AVIL: variants seen among roughly 807,000 people sequenced by gnomAD.
AVIL encodes the protein advillin.
AVIL carries 78 observed loss-of-function variants against 109.9 expected under a neutral mutation model. That is an observed-to-expected ratio of 0.71 (90% confidence interval 0.59 to 0.86). The LOEUF is 0.86. Ranked by LOEUF, AVIL falls within the 40% of genes least tolerant of loss-of-function variation. AVIL has a pLI of 0.00. For synonymous variants in AVIL, 367 were observed against 379.1 expected (o/e 0.97, Z 0.37); for missense variants, 892 against 1,016.5 (o/e 0.88, Z 1.67).
At chr12:57,815,443 G>A (rs567328112) in intron 2 of AVIL, 67 of 541,626 alleles carry the variant, frequency 1.2e-4, no homozygotes, top group Admixed American at 3.8e-4. Flanking sequence ...GGGAATCCTC[G>A]TATCTGGCAG....
At position 57,810,429 on chromosome 12, in the gene AVIL, A is replaced by T. The variant is rs1208575928; in HGVS notation, c.681T>A (p.Leu227=). The T allele has an allele frequency of 6.2e-7, 1 of 1,614,194 alleles. No individual in the cohort carries two copies. Among genetic ancestry groups the T allele is most frequent in the South Asian group, 1.1e-5 (1 of 91,088 alleles). The change falls in exon 7 of 20, where the codon CTT becomes CTA. Residue 227 remains leucine (L), a synonymous_variant. Transcript: ENST00000549994. ...PELMKVLQDT[L]GRRSIIKPTV... is the part of the protein sequence containing the mutation. ...TAGGCTTGATAATGGAGCGTCGGCC[A>T]AGGGTGTCCTGAAGGACCTTCATCA... is the stretch of plus-strand genomic sequence containing the variant.
At chr12:57,816,092 A>G in intron 1 of AVIL, 33 bp from the exon 2 acceptor site, 1 of 1,546,240 alleles carries the variant, frequency 6.5e-7, no homozygotes. Flanking sequence ...GGGAGATGAT[A>G]TCTCTTGCCA....
In AVIL at chr12:57,797,853, G is replaced by A; in HGVS notation, c.*29C>T. On this transcript the variant is annotated 3_prime_UTR_variant, in exon 20 of 20. Coordinates refer to ENST00000549994, the MANE Select transcript of AVIL (RefSeq NM_006576.4). ...TTGGCACTATCTGCTCTTTTCTGTGGCCTTGCAATAGGTATAGGCCTTCTT... is the reference window on the plus strand; with the variant it reads ...TTGGCACTATCTGCTCTTTTCTGTGACCTTGCAATAGGTATAGGCCTTCTT... 6.7e-7 allele frequency: 1 copy of A among 1,503,028 alleles called. No individual in the cohort carries two copies. The highest frequency in any genetic ancestry group is 9.0e-7 in the Non-Finnish European group (1 of 1,110,278). The allele number at this position is 1,503,028 out of a possible 1,614,324, so 93.1% of individuals were successfully genotyped here.
At chr12:57,800,196 A>C in intron 18 of AVIL, 1 of 315,178 alleles carries the variant, frequency 3.2e-6, no homozygotes, top group East Asian at 5.7e-5. Context: ...TCTGGATCTC[A>C]TTTGAATATT....
At chr12:57,810,105 C>T (rs1956015581) in intron 7 of AVIL, among the ~76,000 whole-genome samples, 1 of 152,160 alleles carries the variant, frequency 6.6e-6, no homozygotes, top group East Asian at 1.9e-4. Context: ...CCTTCCACAT[C>T]CCTGGGCATG....
chr12:57,818,189 T>C (rs1956120808), intron 1 of AVIL, among the ~76,000 whole-genome samples: 1 of 110,716 alleles, frequency 9.0e-6, no homozygotes, highest in African/African-American at 3.6e-5. Context: ...TGGCTTTTTT[T>C]TTTTTTTTTT....
In AVIL at chr12:57,814,196, C is replaced by G. The variant is rs192714655; in HGVS notation, c.97G>C (p.Ala33Pro). ...TCCCCCTCATAGAAGTTGCCGTGGG[C>G]GCTCACAGGCACCAGCGCCAGCTCC... is the stretch of plus-strand genomic sequence containing the variant. ...KMELALVPVSAHGNFYEGDCY... is the reference protein window; with the variant it reads ...KMELALVPVSPHGNFYEGDCY... Residue 33 changes from alanine to proline, a missense_variant, in exon 3 of 20, where the codon GCC becomes CCC. By Grantham distance (27) the Ala-to-Pro change is conservative. Coordinates refer to ENST00000549994, the MANE Select transcript of AVIL (RefSeq NM_006576.4). The G allele has an allele frequency of 4.3e-6, 7 of 1,613,046 alleles. No individual in the cohort carries two copies. Among genetic ancestry groups the G allele is most frequent in the African/African-American group, 4.0e-5 (3 of 74,868 alleles).
intron 3 of AVIL, 141 bp downstream of exon 3, chr12:57,814,011 G>A: frequency 2.4e-6 from 2 of 824,362 alleles, no homozygotes; most frequent in Non-Finnish European, 3.8e-6. Context: ...TCAGACTGGA[G>A]GTCTGCTCTG....
chr12:57,799,707 C>T (rs982532910), intron 19 of AVIL, 88 bp downstream of exon 19: 156 of 1,565,916 alleles, frequency 1.0e-4, no homozygotes, highest in Non-Finnish European at 1.3e-4. Context: ...TACAATGTGC[C>T]GGAGCTGTCC....
At chr12:57,811,228 A>C (rs929011572) in intron 4 of AVIL, 101 bp from the exon 5 acceptor site, 1 of 1,098,764 alleles carries the variant, frequency 9.1e-7, no homozygotes, top group Non-Finnish European at 1.3e-6. Flanking sequence ...ATGTGATGAC[A>C]GTACATCAGC....
At chr12:57,805,536 G>GTTT (rs755933666) in intron 14 of AVIL, among the ~76,000 whole-genome samples, 1 of 142,430 alleles carries the variant, frequency 7.0e-6, no homozygotes, top group Non-Finnish European at 1.5e-5. Context: ...CTTTCAGTGA[G>GTTT]TTTTTTTTTT....
At chr12:57,799,279 C>T (rs1225266816) in intron 19 of AVIL, among the ~76,000 whole-genome samples, 2 of 152,154 alleles carry the variant, frequency 1.3e-5, no homozygotes, top group Non-Finnish European at 2.9e-5. Context: ...CTGGAATAAG[C>T]ATGTTTTAAG....
intron 14 of AVIL, among the ~76,000 whole-genome samples, chr12:57,804,765 C>T (rs188129410): frequency 8.0e-4 from 121 of 151,352 alleles, no homozygotes; most frequent in Non-Finnish European, 1.3e-3. Context: ...GCCAAGATCG[C>T]GCCACTGCAC....
intron 19 of AVIL, 149 bp from the exon 20 acceptor site, chr12:57,798,144 A>G (rs1220502718): frequency 3.8e-6 from 2 of 531,680 alleles, no homozygotes; most frequent in Non-Finnish European, 6.4e-6. Flanking sequence ...TAAAGATTTA[A>G]ATTATTCATT....
chr12:57,808,404 C>A lies in AVIL; in HGVS notation c.1084G>T (p.Gly362Cys). The change falls in exon 10 of 20, where the codon GGT becomes TGT. Residue 362 changes from glycine (G) to cysteine (C), a missense_variant. Gly to Cys is a radical substitution (Grantham distance 159). Transcript: ENST00000549994. The part of the protein sequence containing the change: ...TMGLGKTFSI[G>C]KIAKVFQDKF... ...CTGGGGGCAGTCTCACCAATTTTAC[C>A]AATGCTGAACGTTTTCCCCAGGCCC... is the stretch of plus-strand genomic sequence containing the variant. 6.2e-7 allele frequency: 1 copy of A among 1,614,062 alleles called. No homozygotes were observed. The highest frequency in any genetic ancestry group is 1.1e-5 in the South Asian group (1 of 91,058).
chr12:57,810,329 A>G lies in AVIL; in HGVS notation c.761+20T>C. 1 of 1,603,996 alleles carries G rather than the reference A, an allele frequency of 6.2e-7. No individual in the cohort carries two copies. The highest frequency in any genetic ancestry group is 8.5e-7 in the Non-Finnish European group (1 of 1,170,906). The stretch of plus-strand genomic sequence containing the variant: ...CCCCCCAACCCCAGCTTCCAGCTAA[A>G]ACCAGGTTGAGCTACTCACTGATAC... On this transcript the variant is annotated intron_variant, in intron 7 of 19. Coordinates refer to ENST00000549994, the MANE Select transcript of AVIL (RefSeq NM_006576.4).
rs1362331556 is a variant in AVIL at position 57,802,353 on chromosome 12, T to C, written c.1963-5A>G. ...AGCCCCAATCCACAAGAACACCTGT[T>C]AAGGTGGAGATTTAATATATGTTAC... On this transcript the variant is annotated splice_region_variant and splice_polypyrimidine_tract_variant and intron_variant, in intron 16 of 19. Transcript: ENST00000549994. 1 of 1,605,720 alleles carries C rather than the reference T, an allele frequency of 6.2e-7. No homozygotes were observed. The highest frequency in any genetic ancestry group is 8.5e-7 in the Non-Finnish European group (1 of 1,175,494).
chr12:57,798,956 C>T (rs375602506), intron 19 of AVIL, among the ~76,000 whole-genome samples: 268 of 152,234 alleles, frequency 1.8e-3, no homozygotes, highest in Non-Finnish European at 3.3e-3. Context: ...AATTCATTCA[C>T]GCAAAACTTA....
At chr12:57,809,037 C>G (rs1032910395) in intron 9 of AVIL, 6 of 166,360 alleles carry the variant, frequency 3.6e-5, no homozygotes, top group South Asian at 1.6e-4. Context: ...GAGTCTCGCT[C>G]TCACCTAGGC....
Sources: gnomAD v4.1 joint callset for allele counts (sites outside exome capture counted in the v4.1 genomes callset) on GRCh38, gnomAD v4.1.1 for gene constraint, MANE v1.5 for transcripts, NCBI Gene and HGNC (gene_info 2026-07-23, HGNC 2026-07-21) for gene names.